DCC: variants seen among roughly 807,000 people sequenced by gnomAD.
DCC encodes the protein netrin receptor DCC.
A neutral mutation model predicts 172.5 loss-of-function variants in DCC; 58 were observed. The ratio of observed to expected loss-of-function variants is 0.34; its 90% CI spans 0.27 to 0.42. DCC has a LOEUF of 0.42. Among genes scored for constraint, DCC ranks in the 10% least tolerant of loss-of-function variants. DCC has a pLI of 1.00. For synonymous variants in DCC, 709 were observed against 644.5 expected (o/e 1.10, Z -1.52); for missense variants, 1,740 against 1,791.0 (o/e 0.97, Z 0.51).
intron 2 of DCC, among the ~76,000 whole-genome samples, chr18:52,822,432 C>T (rs1159817496): frequency 6.6e-6 from 1 of 152,190 alleles, no homozygotes; most frequent in Non-Finnish European, 1.5e-5. Context: ...CTATTTATAG[C>T]TCAGAGTAAA....
intron 7 of DCC, among the ~76,000 whole-genome samples, chr18:53,102,392 G>A (rs916452853): frequency 6.6e-6 from 1 of 151,996 alleles, no homozygotes; most frequent in African/African-American, 2.4e-5. Flanking sequence ...CATTCCGTGT[G>A]TTTTTATTCT....
chr18:53,309,256 C>T (rs1186655633), intron 13 of DCC, among the ~76,000 whole-genome samples: 1 of 152,072 alleles, frequency 6.6e-6, no homozygotes, highest in African/African-American at 2.4e-5. Flanking sequence ...CCAGGCTGGT[C>T]TCAAACTCTT....
intron 12 of DCC, among the ~76,000 whole-genome samples, chr18:53,234,048 C>A (rs989811602): frequency 6.6e-6 from 1 of 152,064 alleles, no homozygotes; most frequent in South Asian, 2.1e-4. Flanking sequence ...GTTGGGAGTT[C>A]GAGACCAGCC....
chr18:53,377,809 T>G (rs1907416440), intron 15 of DCC, among the ~76,000 whole-genome samples: 1 of 152,202 alleles, frequency 6.6e-6, no homozygotes, highest in African/African-American at 2.4e-5. Flanking sequence ...GATTCTAATA[T>G]GCATGACGCA....
intron 2 of DCC, among the ~76,000 whole-genome samples, chr18:52,838,992 A>T (rs1287435643): frequency 6.6e-6 from 1 of 152,204 alleles, no homozygotes; most frequent in Non-Finnish European, 1.5e-5. Context: ...TTTATTTAGT[A>T]GAAGATAACA....
chr18:53,456,509 A>G (rs2045485220), intron 23 of DCC, among the ~76,000 whole-genome samples: 1 of 152,252 alleles, frequency 6.6e-6, no homozygotes, highest in Admixed American at 6.5e-5. Context: ...TATGTCAAAT[A>G]GAAAAACTAG....
At chr18:52,920,545 G>A (rs1039391357) in intron 3 of DCC, among the ~76,000 whole-genome samples, 1 of 152,020 alleles carries the variant, frequency 6.6e-6, no homozygotes, top group African/African-American at 2.4e-5. Flanking sequence ...AATGGCAATA[G>A]CAAATGCTGA....
At chr18:53,226,934 G>GTGTGTGTATATATATATATATATATA (rs34949557) in intron 12 of DCC, among the ~76,000 whole-genome samples, 3 of 68,160 alleles carry the variant, frequency 4.4e-5, no homozygotes, top group African/African-American at 1.9e-4. Flanking sequence ...GTGTGTGTGT[G>GTGTGTGTATATATATATATATATATA]TATATATATA....
chr18:53,488,286 A>G (rs991889450), intron 26 of DCC, among the ~76,000 whole-genome samples: 1 of 152,054 alleles, frequency 6.6e-6, no homozygotes, highest in African/African-American at 2.4e-5. Flanking sequence ...GAGGCATGAG[A>G]ATCTTTTAAG....
At chr18:52,870,904 C>A (rs907244853) in intron 2 of DCC, among the ~76,000 whole-genome samples, 1 of 152,096 alleles carries the variant, frequency 6.6e-6, no homozygotes, top group Non-Finnish European at 1.5e-5. Flanking sequence ...TAGGCTCGCT[C>A]TTTACTGCAA....
intron 1 of DCC, among the ~76,000 whole-genome samples, chr18:52,535,130 A>G (rs971994369): frequency 1.3e-5 from 2 of 152,214 alleles, no homozygotes; most frequent in Non-Finnish European, 2.9e-5. Context: ...CCATCATGGA[A>G]GAGAACAGAT....
At chr18:53,302,889 C>G (rs1274359142) in intron 12 of DCC, among the ~76,000 whole-genome samples, 1 of 152,088 alleles carries the variant, frequency 6.6e-6, no homozygotes, top group African/African-American at 2.4e-5. Flanking sequence ...ACTTGTGGAT[C>G]CCCTCCCCAC....
intron 21 of DCC, among the ~76,000 whole-genome samples, chr18:53,427,884 A>G (rs1477151381): frequency 3.0e-5 from 1 of 33,168 alleles, no homozygotes; most frequent in African/African-American, 6.5e-5. Context: ...ATATACATAT[A>G]TAATATAATA....
intron 5 of DCC, among the ~76,000 whole-genome samples, chr18:53,034,658 A>T (rs111537645): frequency 0.011 from 1,622 of 150,708 alleles, 31 homozygotes; most frequent in African/African-American, 0.037. Context: ...AACCAGAGTG[A>T]TCCTGATCAA....
rs1599105309 is a variant in DCC, at chr18:53,397,462, T to C, written c.2827+16T>C. On this transcript the variant is annotated intron_variant, in intron 18 of 28. Coordinates refer to ENST00000442544, the MANE Select transcript of DCC (RefSeq NM_005215.4). ...TATGAAGCAGGTATGTGAGGAAATGTCTACTTTGGACCCTTGATAATGGTG... is the reference window on the plus strand; with the variant it reads ...TATGAAGCAGGTATGTGAGGAAATGCCTACTTTGGACCCTTGATAATGGTG... 6.2e-7 allele frequency: 1 copy of C among 1,613,826 alleles called. No individual in the cohort carries two copies. Among genetic ancestry groups the C allele is most frequent in the East Asian group, 2.2e-5 (1 of 44,868 alleles).
chr18:53,042,774 A>G (rs536344787), intron 5 of DCC, among the ~76,000 whole-genome samples: 15 of 152,156 alleles, frequency 9.9e-5, no homozygotes, highest in African/African-American at 2.9e-4. Context: ...ATCTCATGCC[A>G]GTTAGAATGG....
intron 1 of DCC, among the ~76,000 whole-genome samples, chr18:52,731,914 G>T (rs570451276): frequency 6.6e-6 from 1 of 152,208 alleles, no homozygotes; most frequent in East Asian, 1.9e-4. Context: ...AGTAATTTTT[G>T]TTCTATTGAA....
intron 22 of DCC, among the ~76,000 whole-genome samples, chr18:53,435,780 A>G (rs1359892703): frequency 6.6e-6 from 1 of 152,144 alleles, no homozygotes; most frequent in Non-Finnish European, 1.5e-5. Context: ...GGATGACCAG[A>G]TGGAGGTACT....
chr18:53,031,071 C>T (rs1175473534), intron 5 of DCC, among the ~76,000 whole-genome samples: 5 of 152,208 alleles, frequency 3.3e-5, no homozygotes, highest in African/African-American at 9.6e-5. Context: ...CCAGCCTGGC[C>T]GACATGGTGA....
Sources: gnomAD v4.1 joint callset for allele counts (sites outside exome capture counted in the v4.1 genomes callset) on GRCh38, gnomAD v4.1.1 for gene constraint, MANE v1.5 for transcripts, NCBI Gene and HGNC (gene_info 2026-07-23, HGNC 2026-07-21) for gene names.